Variants in SUZ12 observed in about 807,000 individuals in gnomAD.
SUZ12 encodes the protein SUZ12 polycomb repressive complex 2 subunit, also known as polycomb protein SUZ12.
Under a neutral mutation model 87.3 loss-of-function variants are expected in SUZ12, and 17 were observed. That is an observed-to-expected ratio of 0.19 (90% CI 0.13 to 0.29). The LOEUF (loss-of-function observed/expected upper bound fraction) is 0.29. Among genes scored for constraint, SUZ12 ranks in the 10% least tolerant of loss-of-function variants. The pLI is 1.00. For missense variants in SUZ12, 526 were observed against 912.2 expected, an observed-to-expected ratio of 0.58 and a Z score of 5.45; for synonymous variants, 253 against 312.4, an observed-to-expected ratio of 0.81 and a Z score of 2.01.
chr17:31,953,472 A>G (rs1161998740), intron 4 of SUZ12, among the ~76,000 whole-genome samples: 1 of 152,052 alleles, frequency 6.6e-6, no homozygotes, highest in Non-Finnish European at 1.5e-5. Context: ...TAGTGGCACA[A>G]TGATAGGTCA....
At chr17:31,956,904 T>C (rs1907378757) in intron 4 of SUZ12, among the ~76,000 whole-genome samples, 1 of 152,006 alleles carries the variant, frequency 6.6e-6, no homozygotes, top group Non-Finnish European at 1.5e-5. Flanking sequence ...GCCTCCCAGG[T>C]AGCTGGGATT....
At chr17:31,986,222 G>T (rs1448289269) in intron 9 of SUZ12, among the ~76,000 whole-genome samples, 1 of 152,100 alleles carries the variant, frequency 6.6e-6, no homozygotes. Context: ...GATTACAGGT[G>T]TGAGCTACTG....
At chr17:31,985,946 C>T (rs773461310) in intron 9 of SUZ12, among the ~76,000 whole-genome samples, 10 of 151,312 alleles carry the variant, frequency 6.6e-5, no homozygotes, top group Non-Finnish European at 1.3e-4. Flanking sequence ...CAGGCATGAG[C>T]GACCGTGCCC....
At chr17:31,952,376 A>G (rs1212282871) in intron 4 of SUZ12, among the ~76,000 whole-genome samples, 12 of 152,040 alleles carry the variant, frequency 7.9e-5, no homozygotes, top group Admixed American at 3.3e-4. Flanking sequence ...TTCTTTACAG[A>G]AGGTCTGATA....
chr17:31,960,825 CT>C (rs1907665978), intron 4 of SUZ12, among the ~76,000 whole-genome samples: 1 of 152,162 alleles, frequency 6.6e-6, no homozygotes, highest in Admixed American at 6.5e-5. Flanking sequence ...GTGATTCCCC[CT>C]GCCTCCTTCC....
At chr17:31,994,845 TC>T in intron 13 of SUZ12, 124 bp downstream of exon 13, 2 of 1,016,778 alleles carry the variant, frequency 2.0e-6, no homozygotes, top group Non-Finnish European at 2.8e-6. Context: ...GTATTAGGTG[TC>T]TATGGGGTTG....
chr17:32,000,359 A>G lies in SUZ12; in HGVS notation c.*1356A>G. 1 of 232,782 alleles carries G rather than the reference A, an allele frequency of 4.3e-6. No homozygotes were observed. The highest frequency in any genetic ancestry group is 8.5e-6 in the Non-Finnish European group (1 of 117,766). 14.4% of individuals were successfully genotyped at this position (232,782 alleles called of 1,614,324 possible). A position where few individuals can be genotyped will look rare whatever the true frequency, so the allele number is the denominator to read the frequency against. On this transcript the variant is annotated 3_prime_UTR_variant, in exon 16 of 16. Transcript: ENST00000322652. ...GTCTTCAGAAATTTATAAAATGTAA[A>G]TACTGATTTGACTGGTCTTTAAGAT...
intron 5 of SUZ12, among the ~76,000 whole-genome samples, chr17:31,969,860 C>G (rs1460702743): frequency 6.6e-6 from 1 of 151,892 alleles, no homozygotes; most frequent in African/African-American, 2.4e-5. Flanking sequence ...ATAGTGGGAC[C>G]CTCTCTCAAA....
chr17:31,948,852 TAGAACTG>T (rs1233658339), intron 4 of SUZ12, among the ~76,000 whole-genome samples: 1 of 152,218 alleles, frequency 6.6e-6, no homozygotes, highest in African/African-American at 2.4e-5. Flanking sequence ...CCCTATAAGA[TAGAACTG>T]AGAATATTCG....
At chr17:31,986,168 C>G (rs960327515) in intron 9 of SUZ12, among the ~76,000 whole-genome samples, 1 of 152,166 alleles carries the variant, frequency 6.6e-6, no homozygotes, top group African/African-American at 2.4e-5. Flanking sequence ...TCTCAAACTC[C>G]TGACCTAAGG....
intron 3 of SUZ12, among the ~76,000 whole-genome samples, chr17:31,946,386 G>A (rs1454651739): frequency 6.6e-6 from 1 of 152,066 alleles, no homozygotes; most frequent in Non-Finnish European, 1.5e-5. Context: ...GCAAAAATTA[G>A]CCAGGCGTGG....
At chr17:31,958,383 C>T (rs1026330178) in intron 4 of SUZ12, among the ~76,000 whole-genome samples, 55 of 152,308 alleles carry the variant, frequency 3.6e-4, no homozygotes, top group African/African-American at 1.3e-3. Flanking sequence ...TTTTTCCCTA[C>T]TTTTCTATTT....
At chr17:31,970,269 TC>T (rs1363369693) in intron 5 of SUZ12, among the ~76,000 whole-genome samples, 8 of 152,160 alleles carry the variant, frequency 5.3e-5, no homozygotes, top group Non-Finnish European at 8.8e-5. Flanking sequence ...GGATGCAACT[TC>T]CGAAGAAACT....
At chr17:31,990,113 C>T (rs1909640944) in intron 10 of SUZ12, among the ~76,000 whole-genome samples, 1 of 144,158 alleles carries the variant, frequency 6.9e-6, no homozygotes. Flanking sequence ...GGCCACCATG[C>T]CCGGCTAATT....
chr17:31,989,528 A>G (rs948479399), intron 10 of SUZ12, among the ~76,000 whole-genome samples: 11 of 152,350 alleles, frequency 7.2e-5, no homozygotes, highest in Admixed American at 6.5e-4. Context: ...ATTGGTTTTC[A>G]GATTAGCTTT....
At chr17:31,990,506 G>A (rs531195573) in intron 10 of SUZ12, among the ~76,000 whole-genome samples, 7 of 152,074 alleles carry the variant, frequency 4.6e-5, no homozygotes, top group African/African-American at 1.7e-4. Context: ...TGACATTACA[G>A]GCACACAACC....
chr17:31,956,033 C>T (rs1907311604), intron 4 of SUZ12, among the ~76,000 whole-genome samples: 1 of 151,962 alleles, frequency 6.6e-6, no homozygotes, highest in Non-Finnish European at 1.5e-5. Flanking sequence ...CTGCCTCAGC[C>T]TCCTGAGTAG....
intron 14 of SUZ12, among the ~76,000 whole-genome samples, chr17:31,996,029 T>G (rs1909962828): frequency 6.6e-6 from 1 of 152,034 alleles, no homozygotes; most frequent in African/African-American, 2.4e-5. Context: ...GACAGCATGG[T>G]GAAACCCGGT....
intron 3 of SUZ12, among the ~76,000 whole-genome samples, chr17:31,946,578 A>G (rs1906651588): frequency 6.6e-6 from 1 of 152,234 alleles, no homozygotes; most frequent in South Asian, 2.1e-4. Flanking sequence ...ACTCTCTTTG[A>G]GGAATGAGAT....
Sources: allele counts gnomAD v4.1 joint callset (sites outside exome capture counted in the v4.1 genomes callset), GRCh38; gene constraint gnomAD v4.1.1; transcripts MANE v1.5; gene names NCBI Gene and HGNC (gene_info 2026-07-23, HGNC 2026-07-21).